The following NLGN1 variants were observed in gnomAD, a reference collection of about 807,000 sequenced individuals.
The protein encoded by NLGN1 is neuroligin-1.
A neutral mutation model predicts 65.5 loss-of-function variants in NLGN1; 12 were observed. The ratio of observed to expected loss-of-function variants is 0.18; its 90% CI spans 0.12 to 0.30. The LOEUF (loss-of-function observed/expected upper bound fraction) is 0.30. Among genes scored for constraint, NLGN1 ranks in the 10% least tolerant of loss-of-function variants. The probability of loss-of-function intolerance (pLI) is 1.00; values close to 1 mark genes in which losing one functional copy is unlikely to be tolerated. For synonymous variants in NLGN1, 350 were observed against 359.5 expected, an observed-to-expected ratio of 0.97 and a Z score of 0.30; for missense variants, 750 against 1,007.1, an observed-to-expected ratio of 0.74 and a Z score of 3.46.
At chr3:173,959,383 G>A (rs1006928445) in intron 4 of NLGN1, among the ~76,000 whole-genome samples, 2 of 152,222 alleles carry the variant, frequency 1.3e-5, no homozygotes, top group African/African-American at 4.8e-5. Context: ...GGATGGCAGA[G>A]TAACAAGAGA....
In NLGN1 at chr3:173,561,138, G is replaced by A. The variant is rs193101978; in HGVS notation, c.-320-43141G>A. ...TTCTGGGCATAAGATTTCTGACACT[G>A]CAAAATGTCTATCATTACTTGGCAG... On this transcript the variant is annotated intron_variant, in intron 2 of 6. Transcript: ENST00000457714. Among the ~76,000 whole-genome samples the A allele has an allele frequency of 2.2e-3, 342 of 152,270 alleles. 2 individuals are homozygous for A. The highest frequency in any genetic ancestry group is 7.5e-3 in the African/African-American group (310 of 41,558).
intron 2 of NLGN1, among the ~76,000 whole-genome samples, chr3:173,487,631 C>A (rs951958477): frequency 9.9e-5 from 15 of 151,896 alleles, no homozygotes; most frequent in Non-Finnish European, 1.9e-4. Flanking sequence ...ATGTATTTTG[C>A]AACAATATTG....
At position 174,185,726 on chromosome 3, in the gene NLGN1, T is replaced by C. The variant is rs967982199; in HGVS notation, c.647-89589T>C. ...GTGTCTAAAGATAATTATTGAAAGA[T>C]GAGAAGAGAAATAGTGTGATTTGAA... On this transcript the variant is annotated intron_variant, in intron 4 of 6. Coordinates refer to ENST00000457714, the Ensembl canonical transcript of NLGN1. Among the ~76,000 whole-genome samples, 37 of 151,860 alleles carry C rather than the reference T, an allele frequency of 2.4e-4. 1 individual carries two copies. Among genetic ancestry groups the C allele is most frequent in the African/African-American group, 8.2e-4 (34 of 41,348 alleles).
intron 4 of NLGN1, among the ~76,000 whole-genome samples, chr3:173,869,151 T>C (rs1457677546): frequency 6.6e-6 from 1 of 152,188 alleles, no homozygotes; most frequent in Non-Finnish European, 1.5e-5. Context: ...CACATCATAA[T>C]TTGTAAGTAC....
intron 2 of NLGN1, among the ~76,000 whole-genome samples, chr3:173,602,291 A>T (rs1052853519): frequency 3.9e-5 from 6 of 152,130 alleles, no homozygotes; most frequent in East Asian, 1.9e-4. Flanking sequence ...TATTTTTTTA[A>T]ATTTTAGTAC....
intron 2 of NLGN1, among the ~76,000 whole-genome samples, chr3:173,505,673 G>C (rs1731926564): frequency 6.6e-6 from 1 of 151,952 alleles, no homozygotes; most frequent in Non-Finnish European, 1.5e-5. Flanking sequence ...ATTCTTCAAA[G>C]CTTGGTGAAA....
intron 2 of NLGN1, among the ~76,000 whole-genome samples, chr3:173,530,244 C>T (rs1156593409): frequency 6.6e-6 from 1 of 152,178 alleles, no homozygotes; most frequent in Non-Finnish European, 1.5e-5. Context: ...CGTGAGCCAC[C>T]ATGCCCGACC....
intron 1 of NLGN1, among the ~76,000 whole-genome samples, chr3:173,408,728 C>T (rs1044056567): frequency 1.3e-4 from 19 of 151,960 alleles, no homozygotes; most frequent in Non-Finnish European, 2.4e-4. Flanking sequence ...CTGGCTAATA[C>T]GGTGAAACCC....
In NLGN1 at chr3:173,824,554, G is replaced by A. The variant is rs1032746890; in HGVS notation, c.646+16722G>A. ...GACATCTCCCTGCCCTCAGGGGACCGCATGTGCTGTGTATGACATGTGTGT... is the reference window on the plus strand; with the variant it reads ...GACATCTCCCTGCCCTCAGGGGACCACATGTGCTGTGTATGACATGTGTGT... On this transcript the variant is annotated intron_variant, in intron 4 of 6. Coordinates refer to ENST00000457714, the Ensembl canonical transcript of NLGN1. 5.9e-5 allele frequency among the ~76,000 whole-genome samples: 9 copies of A among 152,092 alleles called. No homozygotes were observed. In the East Asian group the frequency reaches 9.6e-4, roughly 16 times the overall value.
chr3:173,438,186 G>GT (rs1412627159), intron 2 of NLGN1, among the ~76,000 whole-genome samples: 3 of 143,784 alleles, frequency 2.1e-5, no homozygotes, highest in Admixed American at 6.7e-5. Context: ...CTTTAATGGT[G>GT]GTTTTTTCCC....
At chr3:173,444,858 A>T (rs1056118526) in intron 2 of NLGN1, among the ~76,000 whole-genome samples, 1 of 152,020 alleles carries the variant, frequency 6.6e-6, no homozygotes, top group African/African-American at 2.4e-5. Flanking sequence ...ATACACACAT[A>T]CTCACACACA....
At chr3:173,889,340 C>T (rs944363972) in intron 4 of NLGN1, among the ~76,000 whole-genome samples, 6 of 152,006 alleles carry the variant, frequency 3.9e-5, no homozygotes, top group African/African-American at 1.4e-4. Flanking sequence ...GCCATCTTGC[C>T]TTTCTGACCT....
intron 4 of NLGN1, among the ~76,000 whole-genome samples, chr3:173,918,402 C>T (rs565368961): frequency 7.2e-5 from 11 of 151,938 alleles, no homozygotes; most frequent in South Asian, 6.2e-4. Flanking sequence ...TTTGGGGGGC[C>T]GAGGCAGGCA....
At chr3:173,693,488 G>T (rs1023272886) in intron 3 of NLGN1, among the ~76,000 whole-genome samples, 2 of 151,968 alleles carry the variant, frequency 1.3e-5, no homozygotes, top group Non-Finnish European at 2.9e-5. Context: ...TATTAATAGA[G>T]TATTTATAAA....
intron 2 of NLGN1, among the ~76,000 whole-genome samples, chr3:173,489,964 G>C (rs558136532): frequency 6.6e-6 from 1 of 152,140 alleles, no homozygotes; most frequent in African/African-American, 2.4e-5. Flanking sequence ...TGTTTGTGTT[G>C]TTTGTAGATT....
At chr3:173,632,050 C>T (rs986993463) in intron 3 of NLGN1, among the ~76,000 whole-genome samples, 2 of 151,954 alleles carry the variant, frequency 1.3e-5, no homozygotes, top group African/African-American at 4.8e-5. Context: ...TCTAGCAATA[C>T]TAGGAGGCAG....
chr3:174,086,284 A>ATATATATTTATGTATGTGCATAC (rs1743322102), intron 4 of NLGN1, among the ~76,000 whole-genome samples: 2 of 5,794 alleles, frequency 3.5e-4, no homozygotes, highest in African/African-American at 1.1e-3. Context: ...TATGTGCATA[A>ATATATATTTATGTATGTGCATAC]ATATATATAT....
chr3:173,833,021 A>G (rs1457101365), intron 4 of NLGN1, among the ~76,000 whole-genome samples: 1 of 146,036 alleles, frequency 6.8e-6, no homozygotes, highest in Non-Finnish European at 1.5e-5. Context: ...CAGGTGATAA[A>G]TATTTAGGCT....
At chr3:174,200,751 G>A (rs1294471254) in intron 4 of NLGN1, among the ~76,000 whole-genome samples, 1 of 152,100 alleles carries the variant, frequency 6.6e-6, no homozygotes, top group Non-Finnish European at 1.5e-5. Context: ...CTCCCTGTCA[G>A]CTATTGAATG....
Sources: gnomAD v4.1 joint callset for allele counts (sites outside exome capture counted in the v4.1 genomes callset) on GRCh38, gnomAD v4.1.1 for gene constraint, MANE v1.5 for transcripts, NCBI Gene and HGNC (gene_info 2026-07-23, HGNC 2026-07-21) for gene names.